The following FLT3LG variants were observed in gnomAD, a reference collection of about 807,000 sequenced individuals.
FLT3LG encodes the protein fms related receptor tyrosine kinase 3 ligand.
Under a neutral mutation model 30.9 loss-of-function variants are expected in FLT3LG, and 8 were observed. The observed-to-expected ratio is 0.26, with a 90% CI of 0.15 to 0.47. The LOEUF (loss-of-function observed/expected upper bound fraction) is 0.47, where lower values mean the gene tolerates loss of function less well. Among genes scored for constraint, FLT3LG ranks in the 20% least tolerant of loss-of-function variants. The pLI is 0.99. For synonymous variants in FLT3LG, 123 were observed against 135.9 expected (o/e 0.91, Z 0.66); for missense variants, 278 against 306.2 (o/e 0.91, Z 0.69).
chr19:49,479,234 G>T (rs1163893795), intron 6 of FLT3LG, among the ~76,000 whole-genome samples, 187 bp downstream of exon 6: 1 of 138,000 alleles, frequency 7.2e-6, no homozygotes, highest in African/African-American at 2.9e-5. Context: ...TCGCACTGTC[G>T]CCCAGGCTGG....
At chr19:49,479,144 T>G in intron 6 of FLT3LG, 97 bp downstream of exon 6, 1 of 1,146,794 alleles carries the variant, frequency 8.7e-7, no homozygotes, top group Non-Finnish European at 1.2e-6. Context: ...TTTCTCATAT[T>G]GGTTGTGACA....
chr19:49,481,192 T>C, intron 8 of FLT3LG: 1 of 153,726 alleles, frequency 6.5e-6, no homozygotes, highest in Non-Finnish European at 1.4e-5. Context: ...GAGTCAGGGG[T>C]CAGAGATCAG....
At chr19:49,480,662 C>T (rs1235573454) in intron 8 of FLT3LG, 42 bp downstream of exon 8, 1 of 1,560,366 alleles carries the variant, frequency 6.4e-7, no homozygotes, top group Non-Finnish European at 8.7e-7. Flanking sequence ...TTTGTGTCTG[C>T]AGGTTGGGAG....
At chr19:49,484,340 G>T (rs2079727508) in intron 8 of FLT3LG, among the ~76,000 whole-genome samples, 1 of 142,052 alleles carries the variant, frequency 7.0e-6, no homozygotes, top group Admixed American at 7.2e-5. Context: ...TGTTAGCCAG[G>T]CTGGAGTGCA....
chr19:49,484,186 C>CTT (rs771221361), intron 8 of FLT3LG, among the ~76,000 whole-genome samples: 51 of 132,106 alleles, frequency 3.9e-4, no homozygotes, highest in African/African-American at 1.1e-3. Context: ...CCCAGCCTAT[C>CTT]TTTTTTTTTT....
In FLT3LG at chr19:49,479,027, T is replaced by C; in HGVS notation, c.461T>C (p.Leu154Pro). The C allele has an allele frequency of 6.2e-7, 1 of 1,608,240 alleles. No individual in the cohort carries two copies. Among genetic ancestry groups the C allele is most frequent in the Non-Finnish European group, 8.5e-7 (1 of 1,177,432 alleles). ...ACTCGCCAGAACTTCTCCCGGTGCC[T>C]GGAGCTGCAGTGTCAGCCCGGTAAA... ...WITRQNFSRC[L>P]ELQCQPDSST... The change falls in exon 6 of 9, where the codon CTG (leucine) becomes CCG (proline). Residue 154 changes from leucine (L) to proline (P), a missense_variant. This residue lies in a region of FLT3LG where 170 missense variants were observed against 162.0 expected (regional missense o/e 1.05). Transcript: ENST00000597551.
chr19:49,485,889 G>A (rs1381595487), intron 8 of FLT3LG, 126 bp from the exon 9 acceptor site: 1 of 152,254 alleles, frequency 6.6e-6, no homozygotes, highest in African/African-American at 2.4e-5. Flanking sequence ...GTAAGCGCTT[G>A]CTGGGAATGG....
In FLT3LG at chr19:49,480,422, C is replaced by T; in HGVS notation, c.606C>T (p.Ala202=). Residue 202 remains alanine (A), a synonymous_variant, in exon 7 of 9, where the codon GCC becomes GCT. Coordinates refer to ENST00000597551, the MANE Select transcript of FLT3LG (RefSeq NM_001459.4). ...LPVGLLLLAA[A]WCLHWQRTRR... is the part of the protein sequence containing the mutation. ...TGGGCCTCCTGCTGCTGGCCGCTGC[C>T]TGGTGCCTGCACTGGCAGAGGACGC... The T allele has an allele frequency of 2.5e-6, 4 of 1,604,614 alleles. No individual in the cohort carries two copies. The highest frequency in any genetic ancestry group is 2.6e-6 in the Non-Finnish European group (3 of 1,175,986).
In FLT3LG at chr19:49,476,381, G is replaced by A. The variant is rs372280869; in HGVS notation, c.199-42G>A. ...CTCCTCCCTCAGACCCAGCAGCCCCGTGCCCAGCTCCTCCCTCAGACCCGT... is the reference window on the plus strand; with the variant it reads ...CTCCTCCCTCAGACCCAGCAGCCCCATGCCCAGCTCCTCCCTCAGACCCGT... On this transcript the variant is annotated intron_variant, in intron 4 of 8. Transcript: ENST00000597551. This position sits in a 1 kb window ranked among gnomAD's most constrained non-coding sequence, Gnocchi z 5.3. The A allele has an allele frequency of 2.6e-5, 41 of 1,588,694 alleles. No individual in the cohort carries two copies. The highest frequency in any genetic ancestry group is 1.9e-4 in the South Asian group (17 of 90,002).
rs1568666013 is a variant in FLT3LG at position 49,475,692 on chromosome 19, C to A, written c.35C>A (p.Thr12Asn). Reference sequence around the variant, plus strand: ...CCCCCAGCACCCGCTCCCCTGCAGACCTATCTCCTCCTGCTGCTGCTGCTG... The same window carrying A: ...CCCCCAGCACCCGCTCCCCTGCAGAACTATCTCCTCCTGCTGCTGCTGCTG... ...TVLAPAWSPTTYLLLLLLLSS... is the reference protein window; with the variant it reads ...TVLAPAWSPTNYLLLLLLLSS... Residue 12 changes from threonine to asparagine, a missense_variant and splice_region_variant, in exon 3 of 9, where the codon ACC (threonine) becomes AAC (asparagine). Transcript: ENST00000597551. The A allele has an allele frequency of 1.2e-6, 2 of 1,605,032 alleles. No homozygotes were observed. The highest frequency in any genetic ancestry group is 1.7e-6 in the Non-Finnish European group (2 of 1,179,808).
At chr19:49,480,014 G>A (rs1375023476) in intron 6 of FLT3LG, among the ~76,000 whole-genome samples, 2 of 151,148 alleles carry the variant, frequency 1.3e-5, no homozygotes, top group Non-Finnish European at 2.9e-5. Context: ...ATGTTGGCCA[G>A]GCTGGTCTTG....
chr19:49,485,916 A>C (rs1423056094), intron 8 of FLT3LG, 99 bp from the exon 9 acceptor site: 1 of 152,212 alleles, frequency 6.6e-6, no homozygotes, highest in African/African-American at 2.4e-5. Flanking sequence ...TTTGGGCATA[A>C]ATCTGTGGCC....
Position 49,476,849 on chromosome 19 carries a change from G to T in FLT3LG, c.342+283G>T. The T allele has an allele frequency of 2.5e-6, 1 of 397,132 alleles. No individual in the cohort carries two copies. Among genetic ancestry groups the T allele is most frequent in the East Asian group, 6.0e-5 (1 of 16,624 alleles). 24.6% of individuals were successfully genotyped at this position (397,132 alleles called of 1,614,324 possible). A position where few individuals can be genotyped will look rare whatever the true frequency, so the allele number is the denominator to read the frequency against. ...CCAAAAAAAAACAGGGAGAGAAGGG[G>T]TCTCTAAACTGAGGAGGCCGGGCGT... is the stretch of plus-strand genomic sequence containing the variant. On this transcript the variant is annotated intron_variant, in intron 5 of 8. Transcript: ENST00000597551. This position sits in a 1 kb window ranked among gnomAD's most constrained non-coding sequence, Gnocchi z 5.3.
intron 6 of FLT3LG, among the ~76,000 whole-genome samples, chr19:49,479,992 T>C (rs909888707): frequency 2.0e-5 from 3 of 151,304 alleles, no homozygotes; most frequent in Non-Finnish European, 4.4e-5. Context: ...TTAGTAGAGA[T>C]GGGTTTTCAC....
intron 8 of FLT3LG, among the ~76,000 whole-genome samples, chr19:49,483,951 C>A (rs2122578401): frequency 6.7e-6 from 1 of 148,294 alleles, no homozygotes; most frequent in East Asian, 2.1e-4. Context: ...GTGGCACGAT[C>A]TCGGCTCACT....
Position 49,476,341 on chromosome 19 carries a change from G to T in FLT3LG, c.199-82G>T. 3 of 1,519,980 alleles carry T rather than the reference G, an allele frequency of 2.0e-6. No individual in the cohort carries two copies. Among genetic ancestry groups the T allele is most frequent in the Non-Finnish European group, 1.8e-6 (2 of 1,107,352 alleles). 94.2% of individuals were successfully genotyped at this position (1,519,980 alleles called of 1,614,324 possible). ...AGCCCCTCCTCCCTCAGACCCAGGA[G>T]CCCCGGCCCAGCCCCTCCTCCCTCA... On this transcript the variant is annotated intron_variant, in intron 4 of 8. Transcript: ENST00000597551. This position sits in a 1 kb window ranked among gnomAD's most constrained non-coding sequence, Gnocchi z 5.3.
At chr19:49,481,031 C>CAA (rs57522107) in intron 8 of FLT3LG, 16 of 88,342 alleles carry the variant, frequency 1.8e-4, no homozygotes, top group Non-Finnish European at 3.4e-4. Flanking sequence ...GACTCCGTCT[C>CAA]AAAAAAAAAA....
chr19:49,475,874 GTC>G, intron 3 of FLT3LG, 73 bp downstream of exon 3: 6 of 1,351,648 alleles, frequency 4.4e-6, no homozygotes, highest in Non-Finnish European at 6.2e-6. Context: ...TAGAGATGGG[GTC>G]TCTCTCCCTG....
intron 6 of FLT3LG, 119 bp downstream of exon 6, chr19:49,479,166 A>C: frequency 1.1e-6 from 1 of 870,004 alleles, no homozygotes; most frequent in Non-Finnish European, 1.6e-6. Context: ...GGGCAAGCTT[A>C]TTCCTCTTTC....
Sources: gnomAD v4.1 joint callset for allele counts (sites outside exome capture counted in the v4.1 genomes callset) on GRCh38, gnomAD v4.1.1 for gene constraint, gnomAD v4.1.1 regional missense constraint, Gnocchi (gnomAD v3.1) non-coding constraint, MANE v1.5 for transcripts, NCBI Gene and HGNC (gene_info 2026-07-23, HGNC 2026-07-21) for gene names.